The following EPHA4 variants were observed in gnomAD, a reference collection of about 807,000 sequenced individuals.
The protein encoded by EPHA4 is ephrin type-A receptor 4.
EPHA4 carries 19 observed loss-of-function variants against 108.3 expected under a neutral mutation model. The ratio of observed to expected loss-of-function variants is 0.18; its 90% CI spans 0.12 to 0.26. The LOEUF (loss-of-function observed/expected upper bound fraction) is 0.26. EPHA4 is among the 10% of genes least tolerant of loss of function. EPHA4 has a pLI of 1.00. For missense variants in EPHA4, 917 were observed against 1,254.0 expected (o/e 0.73, Z 4.06); for synonymous variants, 449 against 455.5 (o/e 0.99, Z 0.18).
At position 221,572,145 on chromosome 2, in the gene EPHA4, G is replaced by T. The variant is rs1574671868; in HGVS notation, c.91+13C>A. The T allele has an allele frequency of 1.2e-6, 2 of 1,610,958 alleles. No homozygotes were observed. Among genetic ancestry groups the T allele is most frequent in the Non-Finnish European group, 1.7e-6 (2 of 1,177,300 alleles). On this transcript the variant is annotated intron_variant, in intron 1 of 17. Coordinates refer to ENST00000281821, the MANE Select transcript of EPHA4 (RefSeq NM_004438.5). ...CGCTGTCCCCGACCACAGAAAGGCCGTCCCGCTCTTACCTTCATTCGCGGG... is the reference window on the plus strand; with the variant it reads ...CGCTGTCCCCGACCACAGAAAGGCCTTCCCGCTCTTACCTTCATTCGCGGG...
At chr2:221,462,881 C>T (rs1176134545) in intron 5 of EPHA4, among the ~76,000 whole-genome samples, 1 of 152,236 alleles carries the variant, frequency 6.6e-6, no homozygotes, top group Non-Finnish European at 1.5e-5. Flanking sequence ...AAGGTGTTGA[C>T]AATTTGCTCT....
chr2:221,560,227 C>T (rs564241074), intron 3 of EPHA4, among the ~76,000 whole-genome samples: 7 of 151,990 alleles, frequency 4.6e-5, no homozygotes, highest in African/African-American at 1.7e-4. Flanking sequence ...TGACCTTTCA[C>T]CTGTTCTTCT....
chr2:221,466,804 T>C (rs1034764808), intron 5 of EPHA4, among the ~76,000 whole-genome samples: 1 of 152,202 alleles, frequency 6.6e-6, no homozygotes, highest in African/African-American at 2.4e-5. Context: ...ATAGCTTATA[T>C]GTGGTCATAA....
In EPHA4 at chr2:221,455,652, G is replaced by A; in HGVS notation, c.1610C>T (p.Ser537Phe). ...GTTAGCCCCATCTCCAATGATCCGG[G>A]AAGGCACTGGGAATGACAATTGCAT... ...PLEVTTNTVP[S>F]RIIGDGANST... The change falls in exon 8 of 18, where the codon TCC becomes TTC. Residue 537 changes from serine to phenylalanine, a missense_variant. By Grantham distance (155) the Ser-to-Phe change is radical (BLOSUM62 -2). Transcript: ENST00000281821. 1.2e-6 allele frequency: 2 copies of A among 1,612,748 alleles called. No homozygotes were observed. Among genetic ancestry groups the A allele is most frequent in the African/African-American group, 1.3e-5 (1 of 75,018 alleles).
At chr2:221,446,634 G>T (rs1481452081) in intron 8 of EPHA4, among the ~76,000 whole-genome samples, 2 of 152,012 alleles carry the variant, frequency 1.3e-5, no homozygotes, top group African/African-American at 2.4e-5. Flanking sequence ...TGTTCAGTAT[G>T]TGATAGGTAA....
chr2:221,563,563 C>A (rs540704892), intron 3 of EPHA4, among the ~76,000 whole-genome samples, 168 bp downstream of exon 3: 13 of 152,174 alleles, frequency 8.5e-5, no homozygotes, highest in Non-Finnish European at 1.5e-4. Flanking sequence ...GTATTAGAAA[C>A]GTCTTAGCTT....
Position 221,565,507 on chromosome 2 carries a change from A to T in EPHA4, c.160-1113T>A, listed in dbSNP as rs186552014. ...AGAAGGAACAAGAGATAGTTTTTTT[A>T]AAAAATTGTATTCTGTAATAGCTCC... On this transcript the variant is annotated intron_variant, in intron 2 of 17. Coordinates refer to ENST00000281821, the MANE Select transcript of EPHA4 (RefSeq NM_004438.5). Among the ~76,000 whole-genome samples, 683 of 152,274 alleles carry T rather than the reference A, an allele frequency of 4.5e-3. 7 individuals are homozygous for T. Among genetic ancestry groups the T allele is most frequent in the African/African-American group, 0.016 (662 of 41,572 alleles).
intron 3 of EPHA4, among the ~76,000 whole-genome samples, chr2:221,541,880 T>A (rs1320991547): frequency 1.3e-5 from 2 of 152,216 alleles, no homozygotes; most frequent in East Asian, 3.8e-4. Flanking sequence ...TTACTTTGCA[T>A]GCAGCAGCAT....
In EPHA4 at chr2:221,430,459, GC is replaced by G. The variant is rs1216928874; in HGVS notation, c.2497-309del. ...CGGCCCTCAGAGATCATGTGGCCCT[GC>G]CCCCTGCCCCCTGCCTCCAGTCCCC... On this transcript the variant is annotated intron_variant, in intron 14 of 17. Transcript: ENST00000281821. 2.0e-5 allele frequency among the ~76,000 whole-genome samples: 3 copies of G among 151,906 alleles called. No individual in the cohort carries two copies. The East Asian group carries it at 5.8e-4, about 29-fold the overall frequency.
At chr2:221,435,428 A>G (rs1690201226) in intron 13 of EPHA4, among the ~76,000 whole-genome samples, 1 of 152,202 alleles carries the variant, frequency 6.6e-6, no homozygotes, top group Admixed American at 6.5e-5. Context: ...GAGGACAAGC[A>G]TAAGAATCAA....
At chr2:221,517,650 A>C (rs1693029585) in intron 3 of EPHA4, among the ~76,000 whole-genome samples, 1 of 151,922 alleles carries the variant, frequency 6.6e-6, no homozygotes, top group East Asian at 1.9e-4. Flanking sequence ...TTTTTTTTTT[A>C]AGTGGACTTA....
intron 3 of EPHA4, among the ~76,000 whole-genome samples, chr2:221,540,437 T>G (rs994167894): frequency 3.2e-4 from 48 of 152,172 alleles, no homozygotes; most frequent in African/African-American, 1.1e-3. Context: ...CCAATACAAC[T>G]TAAATGATCA....
intron 4 of EPHA4, among the ~76,000 whole-genome samples, chr2:221,494,163 G>A (rs1692237770): frequency 6.6e-6 from 1 of 152,074 alleles, no homozygotes; most frequent in Admixed American, 6.5e-5. Context: ...TGAAAAATAC[G>A]AAAAACTACT....
intron 3 of EPHA4, among the ~76,000 whole-genome samples, chr2:221,502,034 C>T (rs1692503479): frequency 6.6e-6 from 1 of 152,038 alleles, no homozygotes; most frequent in Admixed American, 6.6e-5. Context: ...GAACACGGGC[C>T]ATATAGTTTT....
chr2:221,428,432 GAA>G (rs1689974714), intron 15 of EPHA4, among the ~76,000 whole-genome samples: 1 of 152,136 alleles, frequency 6.6e-6, no homozygotes, highest in Non-Finnish European at 1.5e-5. Flanking sequence ...AAAGAATTTA[GAA>G]CTGATAATAG....
rs570352492 is a variant in EPHA4 at position 221,466,125 on chromosome 2, C to T, written c.1319-8135G>A. On this transcript the variant is annotated intron_variant, in intron 5 of 17. Coordinates refer to ENST00000281821, the MANE Select transcript of EPHA4 (RefSeq NM_004438.5). Reference sequence around the variant, plus strand: ...TGGCTTCCCACGGACAAAATCACGGCCACAATCACGGCCACTAGTCTTCTA... The same window carrying T: ...TGGCTTCCCACGGACAAAATCACGGTCACAATCACGGCCACTAGTCTTCTA... 1.2e-4 allele frequency among the ~76,000 whole-genome samples: 18 copies of T among 152,294 alleles called. No individual in the cohort carries two copies. In the East Asian group the frequency reaches 3.5e-3, roughly 29 times the overall value.
chr2:221,488,818 A>G (rs1169493975), intron 4 of EPHA4, among the ~76,000 whole-genome samples: 1 of 152,256 alleles, frequency 6.6e-6, no homozygotes, highest in African/African-American at 2.4e-5. Context: ...AATGAACCAC[A>G]TACTGTCAAT....
At chr2:221,443,768 G>A (rs1026600984) in intron 9 of EPHA4, among the ~76,000 whole-genome samples, 162 bp from the exon 10 acceptor site, 8 of 152,172 alleles carry the variant, frequency 5.3e-5, no homozygotes, top group Admixed American at 6.5e-5. Context: ...TCATTAGTGG[G>A]TAAACAAAAT....
chr2:221,530,814 A>G (rs140463685), intron 3 of EPHA4, among the ~76,000 whole-genome samples: 1 of 152,110 alleles, frequency 6.6e-6, no homozygotes, highest in Non-Finnish European at 1.5e-5. Context: ...TTTTCAGTCC[A>G]AAAATCAGCA....
Sources: gnomAD v4.1 joint callset for allele counts (sites outside exome capture counted in the v4.1 genomes callset) on GRCh38, gnomAD v4.1.1 for gene constraint, MANE v1.5 for transcripts, NCBI Gene and HGNC (gene_info 2026-07-23, HGNC 2026-07-21) for gene names.